The following DDAH1 variants were observed in gnomAD, a reference collection of about 807,000 sequenced individuals.
DDAH1 encodes dimethylarginine dimethylaminohydrolase 1, also known as N(G),N(G)-dimethylarginine dimethylaminohydrolase 1.
In DDAH1, 19 loss-of-function variants were observed where a neutral mutation model predicts 28.8. The ratio of observed to expected loss-of-function variants is 0.66; its 90% CI spans 0.46 to 0.97. The LOEUF is 0.97. Among genes scored for constraint, DDAH1 ranks in the 50% least tolerant of loss-of-function variants. The pLI is 0.00. For synonymous variants in DDAH1, 153 were observed against 154.4 expected (o/e 0.99, Z 0.07); for missense variants, 326 against 375.9 (o/e 0.87, Z 1.10).
chr1:85,424,936 G>A (rs1177339339), intron 1 of DDAH1, among the ~76,000 whole-genome samples: 1 of 152,070 alleles, frequency 6.6e-6, no homozygotes, highest in East Asian at 1.9e-4. Context: ...AAACAATAAT[G>A]AGAATGATCA....
chr1:85,358,778 T>C lies in DDAH1; in HGVS notation c.373A>G (p.Thr125Ala). 4 of 1,612,242 alleles carry C rather than the reference T, an allele frequency of 2.5e-6. No homozygotes were observed. Among genetic ancestry groups the C allele is most frequent in the Non-Finnish European group, 2.5e-6 (3 of 1,178,982 alleles). The change falls in exon 2 of 6, where the codon ACT (threonine) becomes GCT (alanine). Residue 125 changes from threonine (T) to alanine (A), a missense_variant. Coordinates refer to ENST00000284031, the MANE Select transcript of DDAH1 (RefSeq NM_012137.4). ...AATAAAACATCTCCGCCATCTAAAG[T>C]TGCATTTTCATCTTTCATCTCTACT... Reference protein sequence around the residue: ...NIVEMKDENATLDGGDVLFTG... With the variant: ...NIVEMKDENAALDGGDVLFTG...
chr1:85,399,943 A>G (rs995546798), intron 1 of DDAH1: 1 of 152,144 alleles, frequency 6.6e-6, no homozygotes, highest in African/African-American at 2.4e-5. Context: ...TAGAATTGCA[A>G]TAAAGCCAAC....
chr1:85,530,558 A>T (rs1438052215), intron 1 of DDAH1, among the ~76,000 whole-genome samples: 1 of 151,988 alleles, frequency 6.6e-6, no homozygotes, highest in Non-Finnish European at 1.5e-5. Flanking sequence ...AAAGGACCAA[A>T]GCAAACATGA....
chr1:85,478,013 C>A (rs2100712185), intron 2 of DDAH1, among the ~76,000 whole-genome samples: 1 of 152,038 alleles, frequency 6.6e-6, no homozygotes, highest in African/African-American at 2.4e-5. Flanking sequence ...CTCAGTTTCT[C>A]CAACTTTCCT....
Position 85,324,829 on chromosome 1 carries a change from T to C in DDAH1, c.652A>G (p.Ile218Val), listed in dbSNP as rs954453615. The change falls in exon 5 of 6, where the codon ATA becomes GTA. Residue 218 changes from isoleucine to valine, a missense_variant. Transcript: ENST00000284031. ...TTTAGATATATACAGTTTGCTGCTA[T>C]GTCATCAGGCACAGTGAGTTTGTCG... ...RYDKLTVPDDIAANCIYLNIP... is the reference protein window; with the variant it reads ...RYDKLTVPDDVAANCIYLNIP... 1.2e-6 allele frequency: 2 copies of C among 1,614,166 alleles called. No homozygotes were observed. The highest frequency in any genetic ancestry group is 8.5e-7 in the Non-Finnish European group (1 of 1,180,022).
At chr1:85,545,282 T>C (rs1282432516) in intron 1 of DDAH1, among the ~76,000 whole-genome samples, 1 of 152,168 alleles carries the variant, frequency 6.6e-6, no homozygotes. Context: ...TCTTCTCCTT[T>C]AATAATTTAA....
intron 1 of DDAH1, among the ~76,000 whole-genome samples, chr1:85,413,683 T>A (rs1408110821): frequency 6.6e-6 from 1 of 152,252 alleles, no homozygotes; most frequent in African/African-American, 2.4e-5. Flanking sequence ...TCTTCCAGCA[T>A]CATTTTCTTT....
chr1:85,500,114 T>TTTTCTTTCTTTCTTTCTTTCTTTCTTTC (rs199804690), intron 1 of DDAH1, among the ~76,000 whole-genome samples: 5 of 129,792 alleles, frequency 3.9e-5, no homozygotes, highest in African/African-American at 1.4e-4. Context: ...CTTTCTTTTC[T>TTTTCTTTCTTTCTTTCTTTCTTTCTTTC]TTTCTTTCTT....
chr1:85,517,136 ATAGTGT>A (rs1455994444), intron 1 of DDAH1, among the ~76,000 whole-genome samples: 3 of 152,136 alleles, frequency 2.0e-5, no homozygotes, highest in Non-Finnish European at 4.4e-5. Flanking sequence ...TGAAAAATTA[ATAGTGT>A]TAGGTACATA....
rs1661322708 is a variant in DDAH1, at chr1:85,321,209, T to C, written c.*243A>G. The C allele has an allele frequency of 4.9e-6, 2 of 404,706 alleles. No homozygotes were observed. The highest frequency in any genetic ancestry group is 1.2e-4 in the South Asian group (2 of 17,202). 25.1% of individuals were successfully genotyped at this position (404,706 alleles called of 1,614,324 possible). ...ACTGGGATTAATCACATTTTGATAA[T>C]TCATTAGCTCTGTATCTTCTAGGTT... On this transcript the variant is annotated 3_prime_UTR_variant, in exon 6 of 6. Coordinates refer to ENST00000284031, the MANE Select transcript of DDAH1 (RefSeq NM_012137.4).
At chr1:85,323,246 A>G (rs965407948) in intron 5 of DDAH1, among the ~76,000 whole-genome samples, 1 of 152,230 alleles carries the variant, frequency 6.6e-6, no homozygotes, top group African/African-American at 2.4e-5. Flanking sequence ...AAGACAAAAA[A>G]AAAAGATCAA....
intron 1 of DDAH1, among the ~76,000 whole-genome samples, chr1:85,396,789 C>G (rs1651832356): frequency 6.6e-6 from 1 of 152,028 alleles, no homozygotes; most frequent in Admixed American, 6.5e-5. Context: ...AATTCCTGCA[C>G]TTTGGGAGGC....
At chr1:85,413,219 G>A (rs1392328090) in intron 1 of DDAH1, among the ~76,000 whole-genome samples, 19 of 152,150 alleles carry the variant, frequency 1.2e-4, no homozygotes. Flanking sequence ...GGAAAGTAAA[G>A]GAAATTTACT....
chr1:85,451,649 G>A (rs1257370153), intron 1 of DDAH1, among the ~76,000 whole-genome samples: 1 of 152,126 alleles, frequency 6.6e-6, no homozygotes, highest in Non-Finnish European at 1.5e-5. Context: ...TGCCTCCTGA[G>A]TCAGCTTAGA....
intron 2 of DDAH1, among the ~76,000 whole-genome samples, chr1:85,476,265 CT>C (rs1655800821): frequency 2.0e-5 from 3 of 152,192 alleles, no homozygotes. Context: ...TTTTCTTACT[CT>C]TTGTTTCAGT....
intron 1 of DDAH1, among the ~76,000 whole-genome samples, chr1:85,574,997 G>C (rs1659562570): frequency 1.3e-5 from 2 of 151,992 alleles, no homozygotes. Context: ...CTCAGCACTT[G>C]GGGAGGCCGA....
At chr1:85,358,940 T>C in intron 1 of DDAH1, 93 bp from the exon 2 acceptor site, 1 of 858,910 alleles carries the variant, frequency 1.2e-6, no homozygotes, top group Admixed American at 2.1e-5. Context: ...CAAGCTCTCG[T>C]GCACACACCC....
chr1:85,535,264 C>A (rs1309045769), intron 1 of DDAH1, among the ~76,000 whole-genome samples: 2 of 151,196 alleles, frequency 1.3e-5, no homozygotes, highest in African/African-American at 4.9e-5. Flanking sequence ...AGATTTAAAC[C>A]AGACATGAAA....
rs550323700 is a variant in DDAH1 at position 85,388,020 on chromosome 1, GCACT to G, written c.304-29177_304-29174del. On this transcript the variant is annotated intron_variant, in intron 1 of 5. Coordinates refer to ENST00000284031, the MANE Select transcript of DDAH1 (RefSeq NM_012137.4). The stretch of plus-strand genomic sequence containing the variant: ...AGTTCCAGGGGAACTAATAGAGTGA[GCACT>G]CACTCATTACTCTGAGGATGGCACC... 8.2e-4 allele frequency among the ~76,000 whole-genome samples: 125 copies of G among 152,230 alleles called. 1 individual carries two copies. Among genetic ancestry groups the G allele is most frequent in the Admixed American group, 1.8e-3 (28 of 15,290 alleles).
Sources: allele counts gnomAD v4.1 joint callset (sites outside exome capture counted in the v4.1 genomes callset), GRCh38; gene constraint gnomAD v4.1.1; transcripts MANE v1.5; gene names NCBI Gene and HGNC (gene_info 2026-07-23, HGNC 2026-07-21).